CDH26: variants seen among roughly 807,000 people sequenced by gnomAD.
CDH26 encodes the protein cadherin-like protein 26.
A neutral mutation model predicts 90.3 loss-of-function variants in CDH26; 83 were observed. That is an observed-to-expected ratio of 0.92 (90% CI 0.77 to 1.10). The LOEUF (loss-of-function observed/expected upper bound fraction) is 1.10. Among genes scored for constraint, CDH26 ranks in the 50% least tolerant of loss-of-function variants. CDH26 has a pLI of 0.00. For synonymous variants in CDH26, 397 were observed against 396.3 expected, an observed-to-expected ratio of 1.00 and a Z score of -0.02; for missense variants, 1,013 against 1,037.6, an observed-to-expected ratio of 0.98 and a Z score of 0.33.
At chr20:60,021,148 A>C (rs891749359) in intron 7 of CDH26, among the ~76,000 whole-genome samples, 2 of 152,230 alleles carry the variant, frequency 1.3e-5, no homozygotes, top group African/African-American at 4.8e-5. Flanking sequence ...GGAGAGCACC[A>C]GACATCTCTA....
At chr20:59,984,398 G>T (rs1337509158) in intron 5 of CDH26, among the ~76,000 whole-genome samples, 1 of 152,222 alleles carries the variant, frequency 6.6e-6, no homozygotes, top group African/African-American at 2.4e-5. Context: ...AATTAAAAGT[G>T]TAATCTGATC....
At chr20:59,964,085 TCTG>T (rs1367571297) in intron 1 of CDH26, among the ~76,000 whole-genome samples, 1 of 152,236 alleles carries the variant, frequency 6.6e-6, no homozygotes, top group East Asian at 1.9e-4. Flanking sequence ...TGATCCAAAT[TCTG>T]CTGATTTTTA....
At position 59,996,623 on chromosome 20, in the gene CDH26, T is replaced by G; in HGVS notation, c.1889-8T>G. ...TCTAATCTGTTTTTCCCCTTTGTCT[T>G]ATAACAGTGGCTCTGCTTTTTCTGT... On this transcript the variant is annotated splice_region_variant and splice_polypyrimidine_tract_variant and intron_variant, in intron 12 of 17. Transcript: ENST00000348616. 6.2e-7 allele frequency: 1 copy of G among 1,614,224 alleles called. No homozygotes were observed. The highest frequency in any genetic ancestry group is 8.5e-7 in the Non-Finnish European group (1 of 1,180,034).
intron 7 of CDH26, among the ~76,000 whole-genome samples, chr20:60,021,314 G>A (rs951026809): frequency 2.6e-5 from 4 of 152,096 alleles, no homozygotes; most frequent in Non-Finnish European, 4.4e-5. Flanking sequence ...AGCTTTGTTG[G>A]CACACAACCA....
At chr20:60,015,270 G>A (rs1013918829), downstream of CDH26, among the ~76,000 whole-genome samples, 2 of 152,228 alleles carry the variant, frequency 1.3e-5, no homozygotes, top group Non-Finnish European at 2.9e-5. Flanking sequence ...AAAGGTGTGA[G>A]CCACTGCATC....
At chr20:59,994,138 A>G in intron 10 of CDH26, 112 bp from the exon 11 acceptor site, 1 of 1,379,602 alleles carries the variant, frequency 7.2e-7, no homozygotes, top group Non-Finnish European at 1.0e-6. Context: ...TTGAAAGGGA[A>G]ACAGTTCCAG....
At chr20:59,995,438 C>T (rs2061580616) in intron 11 of CDH26, among the ~76,000 whole-genome samples, 1 of 152,206 alleles carries the variant, frequency 6.6e-6, no homozygotes, top group Non-Finnish European at 1.5e-5. Context: ...CCCATGTGTG[C>T]TGTCCCTCAT....
chr20:59,963,778 C>G (rs2061109434), intron 1 of CDH26, among the ~76,000 whole-genome samples: 3 of 151,878 alleles, frequency 2.0e-5, no homozygotes, highest in Admixed American at 1.3e-4. Context: ...AGAGGAATCT[C>G]TCATAGGAAA....
intron 4 of CDH26, among the ~76,000 whole-genome samples, chr20:59,975,617 C>T (rs2061319477): frequency 6.6e-6 from 1 of 152,206 alleles, no homozygotes; most frequent in African/African-American, 2.4e-5. Context: ...GGAAGGGTGG[C>T]ATAAGACATG....
intron 16 of CDH26, among the ~76,000 whole-genome samples, chr20:60,005,353 C>A (rs2061732345): frequency 6.6e-6 from 1 of 150,962 alleles, no homozygotes; most frequent in Non-Finnish European, 1.5e-5. Context: ...GTTCAAGGGT[C>A]AACTGTATAT....
intron 17 of CDH26, among the ~76,000 whole-genome samples, chr20:60,009,747 C>T (rs1217050791): frequency 6.6e-6 from 1 of 152,138 alleles, no homozygotes; most frequent in African/African-American, 2.4e-5. Flanking sequence ...TGCAGACATC[C>T]ACTGCTCTGC....
intron 7 of CDH26, among the ~76,000 whole-genome samples, chr20:60,029,408 G>GCACCTATAGTCAACAACA: frequency 7.1e-6 from 1 of 140,880 alleles, no homozygotes; most frequent in East Asian, 2.1e-4. Context: ...AGTCAACAAC[G>GCACCTATAGTCAACAACA]TAGCACCTAT....
intron 7 of CDH26, among the ~76,000 whole-genome samples, chr20:59,985,739 A>C (rs773275139): frequency 1.3e-5 from 2 of 152,240 alleles, no homozygotes; most frequent in Non-Finnish European, 2.9e-5. Flanking sequence ...TCATATTGAC[A>C]TAGAAGCAGT....
At chr20:59,993,075 CTCCAAGTGATATATCACTATACGT>C (rs1252156325) in intron 10 of CDH26, among the ~76,000 whole-genome samples, 1 of 152,154 alleles carries the variant, frequency 6.6e-6, no homozygotes, top group Non-Finnish European at 1.5e-5. Context: ...AAAACCCAAG[CTCCAAGTGATATATCACTATACGT>C]TCCATTCTGT....
At chr20:59,980,828 A>T (rs1034592228) in intron 4 of CDH26, among the ~76,000 whole-genome samples, 15 of 152,322 alleles carry the variant, frequency 9.8e-5, no homozygotes, top group Middle Eastern at 3.4e-3. Context: ...GTGTTATCTA[A>T]CACATTGTCA....
intron 7 of CDH26, among the ~76,000 whole-genome samples, chr20:60,022,004 CT>C (rs11476760): frequency 2.0e-5 from 3 of 151,430 alleles, no homozygotes; most frequent in African/African-American, 7.3e-5. Context: ...TGAAGTACCC[CT>C]GGCATAGGAT....
rs532838279 is a variant in CDH26 at position 60,029,238 on chromosome 20, G to A, written c.948-1993G>A. Among the ~76,000 whole-genome samples, 20 of 152,300 alleles carry A rather than the reference G, an allele frequency of 1.3e-4. 2 individuals carry two copies. In the South Asian group the frequency reaches 4.1e-3, roughly 32 times the overall value. ...AGTTACAGTTACATGAGAGGAATCA[G>A]TCCTAGAGGTCTGCTGCACAACGTG... On this transcript the variant is annotated intron_variant, in intron 7 of 8. Transcript: ENST00000370991.
Position 60,013,238 on chromosome 20 carries a change from C to T in CDH26, c.*508C>T, listed in dbSNP as rs2061871755. On this transcript the variant is annotated 3_prime_UTR_variant, in exon 18 of 18. Transcript: ENST00000348616. ...TTTTTTAAAAAATAAGTATTGGTCCCTGTTCACTTTTTGATTAGATAAATA... is the reference window on the plus strand; with the variant it reads ...TTTTTTAAAAAATAAGTATTGGTCCTTGTTCACTTTTTGATTAGATAAATA... The T allele has an allele frequency of 6.6e-6, 1 of 152,314 alleles. No individual in the cohort carries two copies. Among genetic ancestry groups the T allele is most frequent in the African/African-American group, 2.4e-5 (1 of 41,398 alleles). 9.4% of individuals were successfully genotyped at this position (152,314 alleles called of 1,614,324 possible). A position where few individuals can be genotyped will look rare whatever the true frequency, so the allele number is the denominator to read the frequency against.
chr20:60,002,859 C>G lies in CDH26; in HGVS notation c.2213C>G (p.Ser738Cys). Residue 738 changes from serine (S) to cysteine (C), a missense_variant, in exon 16 of 18, where the codon TCT (serine) becomes TGT (cysteine). By Grantham distance (112) the Ser-to-Cys change is moderately radical. Transcript: ENST00000348616. ...CCAAGAAGTGTGAAAAACATACACT[C>G]TACTCCTGTAAGTATAGATGTAGGT... is the stretch of plus-strand genomic sequence containing the variant. ...FEPRSVKNIHSTPAYPDATMH... is the reference protein window; with the variant it reads ...FEPRSVKNIHCTPAYPDATMH... 1 of 1,592,684 alleles carries G rather than the reference C, an allele frequency of 6.3e-7. No individual in the cohort carries two copies. The highest frequency in any genetic ancestry group is 1.3e-5 in the African/African-American group (1 of 74,708).
Sources: gnomAD v4.1 joint callset for allele counts (sites outside exome capture counted in the v4.1 genomes callset) on GRCh38, gnomAD v4.1.1 for gene constraint, MANE v1.5 for transcripts, NCBI Gene and HGNC (gene_info 2026-07-23, HGNC 2026-07-21) for gene names.